The following KIF27 variants were observed in gnomAD, a reference collection of about 807,000 sequenced individuals.
The protein encoded by KIF27 is kinesin-like protein KIF27.
A neutral mutation model predicts 141.8 loss-of-function variants in KIF27; 84 were observed. The observed-to-expected ratio is 0.59, with a 90% confidence interval of 0.50 to 0.71. KIF27 has a LOEUF of 0.71. Ranked by LOEUF, KIF27 falls within the 30% of genes least tolerant of loss-of-function variation. The pLI is 0.00. For synonymous variants in KIF27, 471 were observed against 569.5 expected (o/e 0.83, Z 2.46); for missense variants, 1,306 against 1,628.4 (o/e 0.80, Z 3.41).
intron 5 of KIF27, among the ~76,000 whole-genome samples, 185 bp from the exon 6 acceptor site, chr9:83,891,686 T>C (rs1195410661): frequency 6.6e-6 from 1 of 152,180 alleles, no homozygotes; most frequent in Non-Finnish European, 1.5e-5. Context: ...TGGTAAAACC[T>C]TTTTAATAGT....
intron 17 of KIF27, among the ~76,000 whole-genome samples, chr9:83,841,597 G>A (rs944373296): frequency 6.6e-5 from 10 of 152,120 alleles, no homozygotes; most frequent in Admixed American, 5.2e-4. Context: ...TTTATAAAAT[G>A]TAGACTTTAT....
chr9:83,867,980 A>G, intron 12 of KIF27, 120 bp from the exon 13 acceptor site: 1 of 1,123,238 alleles, frequency 8.9e-7, no homozygotes, highest in African/African-American at 1.6e-5. Context: ...ACTATCACTC[A>G]GAGTAACTCA....
At position 83,848,130 on chromosome 9, in the gene KIF27, C is replaced by CATATATGATATATCTGATATA. The variant is rs1947687110; in HGVS notation, c.3556+1968_3556+1969insTATATCAGATATATCATATAT. On this transcript the variant is annotated intron_variant, in intron 16 of 17. Transcript: ENST00000297814. ...ATCTCATATCTGATATATCTGATAT[C>CATATATGATATATCTGATATA]TCATATATGATATATCTGATATATC... 1.5e-4 allele frequency among the ~76,000 whole-genome samples: 3 copies of CATATATGATATATCTGATATA among 19,764 alleles called. 1 individual carries two copies. Among genetic ancestry groups the CATATATGATATATCTGATATA allele is most frequent in the African/African-American group, 4.2e-4 (1 of 2,404 alleles). 13.0% of individuals were successfully genotyped at this position (19,764 alleles called of 152,430 possible).
chr9:83,891,245 G>C, intron 6 of KIF27, 50 bp downstream of exon 6: 1 of 1,519,430 alleles, frequency 6.6e-7, no homozygotes, highest in Non-Finnish European at 9.1e-7. Flanking sequence ...ATTACACATG[G>C]CTAAAATTTT....
chr9:83,880,113 C>T (rs1308420705), intron 11 of KIF27, 184 bp downstream of exon 11: 5 of 820,858 alleles, frequency 6.1e-6, no homozygotes, highest in Non-Finnish European at 9.3e-6. Context: ...AGACAGTACT[C>T]AAAATTCAAT....
intron 14 of KIF27, among the ~76,000 whole-genome samples, chr9:83,857,078 C>CAA (rs1276481036): frequency 1.5e-3 from 118 of 78,286 alleles, no homozygotes; most frequent in African/African-American, 4.4e-3. Context: ...TGGATTTTAC[C>CAA]AAAAAAAAAA....
chr9:83,895,637 G>A (rs1259527821), intron 5 of KIF27, among the ~76,000 whole-genome samples: 1 of 144,418 alleles, frequency 6.9e-6, no homozygotes, highest in African/African-American at 2.6e-5. Flanking sequence ...CAATATAGAA[G>A]ATATAGAAGA....
chr9:83,845,963 AC>A (rs1947223169), intron 16 of KIF27, among the ~76,000 whole-genome samples: 1 of 152,106 alleles, frequency 6.6e-6, no homozygotes, highest in African/African-American at 2.4e-5. Context: ...GGATATGATA[AC>A]CCAGTCTGTG....
intron 3 of KIF27, among the ~76,000 whole-genome samples, chr9:83,905,457 G>A (rs1301626602): frequency 6.6e-6 from 1 of 152,146 alleles, no homozygotes; most frequent in African/African-American, 2.4e-5. Context: ...GGTGGACTTA[G>A]GAATTGAATC....
At chr9:83,915,733 AAACT>A (rs958027599) in intron 1 of KIF27, 55 bp from the exon 2 acceptor site, 1 of 752,550 alleles carries the variant, frequency 1.3e-6, no homozygotes, top group African/African-American at 1.8e-5. Context: ...GTATCCCAAT[AAACT>A]AACCACCTTC....
At chr9:83,886,603 G>C (rs1260554984) in intron 9 of KIF27, among the ~76,000 whole-genome samples, 1 of 151,870 alleles carries the variant, frequency 6.6e-6, no homozygotes, top group Non-Finnish European at 1.5e-5. Context: ...AAAAACTACT[G>C]ACGCATACTG....
At chr9:83,862,756 T>G (rs916277098) in intron 13 of KIF27, among the ~76,000 whole-genome samples, 1 of 152,170 alleles carries the variant, frequency 6.6e-6, no homozygotes, top group Non-Finnish European at 1.5e-5. Flanking sequence ...ATCTATAAAT[T>G]ACCTTGGGCA....
chr9:83,915,726 T>G (rs1588334946), intron 1 of KIF27, 48 bp from the exon 2 acceptor site: 1 of 842,936 alleles, frequency 1.2e-6, no homozygotes, highest in East Asian at 2.7e-5. Flanking sequence ...ATTCCTTGTA[T>G]CCCAATAAAC....
chr9:83,913,947 A>T (rs1280712914), intron 2 of KIF27, among the ~76,000 whole-genome samples: 2 of 152,102 alleles, frequency 1.3e-5, no homozygotes, highest in East Asian at 3.8e-4. Flanking sequence ...TAATTTAAAA[A>T]AAGTAGAAAG....
chr9:83,896,130 C>A (rs1211098391), intron 5 of KIF27, among the ~76,000 whole-genome samples: 1 of 151,164 alleles, frequency 6.6e-6, no homozygotes, highest in East Asian at 1.9e-4. Flanking sequence ...GTAATCCCAG[C>A]TATACAGGAG....
At chr9:83,913,001 TA>T (rs112839451) in intron 2 of KIF27, among the ~76,000 whole-genome samples, 329 of 138,210 alleles carry the variant, frequency 2.4e-3, no homozygotes, top group Middle Eastern at 7.2e-3. Context: ...TGCAAAAAAT[TA>T]AAAAAAAAAA....
In KIF27 at chr9:83,903,662, T is replaced by C. The variant is rs770839077; in HGVS notation, c.856A>G (p.Arg286Gly). 4 of 1,614,158 alleles carry C rather than the reference T, an allele frequency of 2.5e-6. No individual in the cohort carries two copies. The East Asian group carries it at 6.7e-5, about 27-fold the overall frequency. Residue 286 changes from arginine (R) to glycine (G), a missense_variant, in exon 4 of 18, where the codon AGG (arginine) becomes GGG (glycine). Around this residue, in one of 4 missense-constraint regions of KIF27, gnomAD observed 533 missense variants for 565.6 expected, o/e 0.94. Coordinates refer to ENST00000297814, the MANE Select transcript of KIF27 (RefSeq NM_017576.4). ...CTATATGGAATATGTGAACTCTTCC[T>C]GCGTGGGTCCCCAAGAGCGCTTATT... is the stretch of plus-strand genomic sequence containing the variant. ...NVISALGDPR[R>G]KSSHIPYRDA...
At position 83,835,172 on chromosome 9, in the gene KIF27, CAT is replaced by C. The variant is rs768796984; in HGVS notation, c.*1827_*1828del. Reference sequence around the variant, plus strand: ...ACTTGTATATGTACAAGTGTATATACATATATATATATGAAATATATATAATA... The same window carrying C: ...ACTTGTATATGTACAAGTGTATATACATATATATATGAAATATATATAATA... On this transcript the variant is annotated 3_prime_UTR_variant, in exon 18 of 18. Coordinates refer to ENST00000297814, the MANE Select transcript of KIF27 (RefSeq NM_017576.4). Among the ~76,000 whole-genome samples, 2,787 of 148,814 alleles carry C rather than the reference CAT, an allele frequency of 0.019. 94 individuals are homozygous for C. The highest frequency in any genetic ancestry group is 0.065 in the African/African-American group (2,640 of 40,726).
At position 83,870,617 on chromosome 9, in the gene KIF27, T is replaced by G. The variant is rs769187432; in HGVS notation, c.2659A>C (p.Thr887Pro). ...QQKIKEIQLK[T>P]GQEEGLKPKA... Reference sequence around the variant, plus strand: ...GGTTTTAGACCTTCTTCCTGTCCTGTTTTTAATTGTATTTCCTATAGAAAA... The same window carrying G: ...GGTTTTAGACCTTCTTCCTGTCCTGGTTTTAATTGTATTTCCTATAGAAAA... The change falls in exon 12 of 18, where the codon ACA (threonine) becomes CCA (proline). Residue 887 changes from threonine (T) to proline (P), a missense_variant. Thr to Pro is a conservative substitution (Grantham distance 38). This residue lies in a region of KIF27 where 596 missense variants were observed against 751.6 expected (regional missense o/e 0.79). Coordinates refer to ENST00000297814, the MANE Select transcript of KIF27 (RefSeq NM_017576.4). The G allele has an allele frequency of 3.7e-6, 6 of 1,613,790 alleles. No individual in the cohort carries two copies. Among genetic ancestry groups the G allele is most frequent in the Non-Finnish European group, 5.1e-6 (6 of 1,179,846 alleles).
Sources: allele counts gnomAD v4.1 joint callset (sites outside exome capture counted in the v4.1 genomes callset), GRCh38; gene constraint gnomAD v4.1.1; regional missense constraint gnomAD v4.1.1; transcripts MANE v1.5; gene names NCBI Gene and HGNC (gene_info 2026-07-23, HGNC 2026-07-21).